HSD17B6: variants seen among roughly 807,000 people sequenced by gnomAD.
HSD17B6 encodes the protein hydroxysteroid 17-beta dehydrogenase 6, also known as 17-beta-hydroxysteroid dehydrogenase type 6.
HSD17B6 carries 16 observed loss-of-function variants against 26.4 expected under a neutral mutation model. The observed-to-expected ratio is 0.61, with a 90% confidence interval of 0.41 to 0.92. HSD17B6 has a LOEUF of 0.92. Among genes scored for constraint, HSD17B6 ranks in the 40% least tolerant of loss-of-function variants. The pLI is 0.00. For missense variants in HSD17B6, 357 were observed against 386.1 expected (o/e 0.92, Z 0.63); for synonymous variants, 139 against 153.0 (o/e 0.91, Z 0.68).
At chr12:56,776,535 T>G (rs898433235) in intron 2 of HSD17B6, among the ~76,000 whole-genome samples, 1 of 152,158 alleles carries the variant, frequency 6.6e-6, no homozygotes, top group Admixed American at 6.5e-5. Context: ...CTTGAACTCC[T>G]GGGCTCAACT....
Position 56,782,216 on chromosome 12 carries a change from T to G in HSD17B6, c.556T>G (p.Phe186Val). Residue 186 changes from phenylalanine to valine, a missense_variant, in exon 3 of 5, where the codon TTT (phenylalanine) becomes GTT (valine). Phe to Val is a conservative substitution (Grantham distance 50). Transcript: ENST00000322165. ...TGTCTCCAAGTATGGAGTGGAAGCCTTTTCAGATATTCTGAGGTAACTTAA... is the reference window on the plus strand; with the variant it reads ...TGTCTCCAAGTATGGAGTGGAAGCCGTTTCAGATATTCTGAGGTAACTTAA... Reference protein sequence around the residue: ...YCVSKYGVEAFSDILRREIQH... With the variant: ...YCVSKYGVEAVSDILRREIQH... 1 of 1,613,434 alleles carries G rather than the reference T, an allele frequency of 6.2e-7. No individual in the cohort carries two copies. Among genetic ancestry groups the G allele is most frequent in the East Asian group, 2.2e-5 (1 of 44,882 alleles).
At chr12:56,784,345 T>C (rs1455277699) in intron 3 of HSD17B6, among the ~76,000 whole-genome samples, 2 of 152,134 alleles carry the variant, frequency 1.3e-5, no homozygotes, top group South Asian at 2.1e-4. Flanking sequence ...GTGGAGGTTG[T>C]AGCGAGCCGA....
intron 1 of HSD17B6, among the ~76,000 whole-genome samples, chr12:56,768,867 G>C (rs1431720444): frequency 6.6e-6 from 1 of 152,072 alleles, no homozygotes; most frequent in East Asian, 1.9e-4. Flanking sequence ...CTGGCAGCTA[G>C]AGAACATGGA....
chr12:56,766,490 C>T (rs1356396220), intron 1 of HSD17B6, among the ~76,000 whole-genome samples: 1 of 152,146 alleles, frequency 6.6e-6, no homozygotes, highest in Admixed American at 6.6e-5. Context: ...AATCATACTT[C>T]CTTCATTTTA....
intron 1 of HSD17B6, among the ~76,000 whole-genome samples, chr12:56,769,340 G>A (rs1185942319): frequency 6.6e-6 from 1 of 152,132 alleles, no homozygotes; most frequent in Non-Finnish European, 1.5e-5. Context: ...GACCTCAGGT[G>A]ATCTGCCTGC....
chr12:56,772,653 C>T (rs1295441539), intron 1 of HSD17B6, among the ~76,000 whole-genome samples: 6 of 147,926 alleles, frequency 4.1e-5, no homozygotes, highest in African/African-American at 1.0e-4. Flanking sequence ...GCTGAGATTG[C>T]GCCATTGCAC....
rs1472243368 is a variant in HSD17B6, at chr12:56,782,007, T to C, written c.347T>C (p.Leu116Pro). Residue 116 changes from leucine (L) to proline (P), a missense_variant, in exon 3 of 5, where the codon CTT becomes CCT. By Grantham distance (98) the Leu-to-Pro change is moderately conservative (BLOSUM62 -3). Transcript: ENST00000322165. ...LWGLVNNAGI[L>P]TPITLCEWLN... Reference sequence around the variant, plus strand: ...GGACTGGTGAACAATGCAGGCATTCTTACACCAATTACCTTATGTGAGTGG... The same window carrying C: ...GGACTGGTGAACAATGCAGGCATTCCTACACCAATTACCTTATGTGAGTGG... The C allele has an allele frequency of 6.2e-7, 1 of 1,614,134 alleles. No homozygotes were observed. The highest frequency in any genetic ancestry group is 1.1e-5 in the South Asian group (1 of 91,080).
intron 1 of HSD17B6, among the ~76,000 whole-genome samples, chr12:56,771,649 G>A (rs1227951519): frequency 2.0e-5 from 3 of 151,886 alleles, no homozygotes; most frequent in Non-Finnish European, 4.4e-5. Context: ...GTAGAGATGC[G>A]GTTTCGCCAT....
chr12:56,774,114 G>A lies in HSD17B6; in HGVS notation c.262G>A (p.Glu88Lys). ...GGTGACCCTGGATGTTACCAAGATG[G>A]AGAGCATCGCTGCAGCTACTCAGTG... ...ETVTLDVTKM[E>K]SIAAATQWVK... Residue 88 changes from glutamate (E) to lysine (K), a missense_variant, in exon 2 of 5, where the codon GAG (glutamate) becomes AAG (lysine). Physicochemically the swap from Glu to Lys is moderately conservative, Grantham distance 56. Transcript: ENST00000322165. The A allele has an allele frequency of 6.2e-7, 1 of 1,605,576 alleles. No individual in the cohort carries two copies. Among genetic ancestry groups the A allele is most frequent in the South Asian group, 1.1e-5 (1 of 90,074 alleles).
At chr12:56,783,936 C>T (rs529813486) in intron 3 of HSD17B6, among the ~76,000 whole-genome samples, 104 of 150,942 alleles carry the variant, frequency 6.9e-4, no homozygotes, top group African/African-American at 2.1e-3. Context: ...GGTTGCCAGG[C>T]GGAGGGTCTC....
chr12:56,778,650 G>T (rs1158483690), intron 2 of HSD17B6, among the ~76,000 whole-genome samples: 3 of 149,884 alleles, frequency 2.0e-5, no homozygotes, highest in African/African-American at 2.5e-5. Flanking sequence ...CAGTTACAAA[G>T]ACTTTTTACC....
chr12:56,764,305 C>T (rs1954275489), intron 1 of HSD17B6, among the ~76,000 whole-genome samples: 1 of 151,926 alleles, frequency 6.6e-6, no homozygotes, highest in Admixed American at 6.6e-5. Flanking sequence ...AAGATTTTAA[C>T]CAAAGAAGGG....
At chr12:56,769,193 C>A (rs1409694475) in intron 1 of HSD17B6, among the ~76,000 whole-genome samples, 1 of 150,506 alleles carries the variant, frequency 6.6e-6, no homozygotes, top group African/African-American at 2.4e-5. Flanking sequence ...ACCTCTGCCT[C>A]CCAGGTTTAA....
intron 2 of HSD17B6, among the ~76,000 whole-genome samples, chr12:56,778,816 A>C (rs1313026861): frequency 6.6e-6 from 1 of 151,714 alleles, no homozygotes; most frequent in South Asian, 2.1e-4. Context: ...CTGGGTCTAC[A>C]GGCGTCCGCC....
chr12:56,784,970 C>A lies in HSD17B6; in HGVS notation c.690C>A (p.Ala230=), dbSNP rs750952500. 6.2e-7 allele frequency: 1 copy of A among 1,613,950 alleles called. No individual in the cohort carries two copies. The highest frequency in any genetic ancestry group is 8.5e-7 in the Non-Finnish European group (1 of 1,179,982). ...LERMKQSWKE[A]PKHIKETYGQ... ...GAATGAAGCAAAGTTGGAAAGAAGC[C>A]CCCAAGCATATTAAGGAGACCTATG... The change falls in exon 4 of 5, where the codon GCC becomes GCA. Residue 230 remains alanine (A), a synonymous_variant. Transcript: ENST00000322165.
Position 56,787,358 on chromosome 12 carries a change from T to C in HSD17B6, c.*16T>C, listed in dbSNP as rs1954902749. 6.4e-7 allele frequency: 1 copy of C among 1,574,764 alleles called. No individual in the cohort carries two copies. Among genetic ancestry groups the C allele is most frequent in the Middle Eastern group, 1.7e-4 (1 of 5,988 alleles). On this transcript the variant is annotated 3_prime_UTR_variant, in exon 5 of 5. Transcript: ENST00000322165. Reference sequence around the variant, plus strand: ...GGCAGTCTAAAGAAAACTGGGTTGGTGCTTCTTGGAATGAAGGCAAAAATC... The same window carrying C: ...GGCAGTCTAAAGAAAACTGGGTTGGCGCTTCTTGGAATGAAGGCAAAAATC...
chr12:56,779,917 T>TA (rs905800055), intron 2 of HSD17B6, among the ~76,000 whole-genome samples: 4 of 151,746 alleles, frequency 2.6e-5, no homozygotes, highest in East Asian at 1.9e-4. Flanking sequence ...ATCTTTTTTT[T>TA]AAAAAAAAAT....
rs186972896 is a variant in HSD17B6, at chr12:56,776,844, A to G, written c.313+2679A>G. 2.6e-3 allele frequency among the ~76,000 whole-genome samples: 403 copies of G among 152,284 alleles called. 1 individual carries two copies. The highest frequency in any genetic ancestry group is 9.2e-3 in the African/African-American group (383 of 41,548). On this transcript the variant is annotated intron_variant, in intron 2 of 4. Transcript: ENST00000322165. ...ACAGCTCATTTCTTTTTCTCGCTGC[A>G]TAGTATTCCATTGTATGTATGTACC...
intron 1 of HSD17B6, among the ~76,000 whole-genome samples, chr12:56,768,653 T>A (rs1250460864): frequency 6.7e-6 from 1 of 149,462 alleles, no homozygotes; most frequent in East Asian, 2.0e-4. Flanking sequence ...TAGGTAAACA[T>A]GAGGTTGGGA....
Sources: gnomAD v4.1 joint callset for allele counts (sites outside exome capture counted in the v4.1 genomes callset) on GRCh38, gnomAD v4.1.1 for gene constraint, MANE v1.5 for transcripts, NCBI Gene and HGNC (gene_info 2026-07-23, HGNC 2026-07-21) for gene names.